Variants in WWOX observed in about 807,000 individuals in gnomAD.
WWOX encodes the protein WW domain containing oxidoreductase.
Under a neutral mutation model 46.2 loss-of-function variants are expected in WWOX, and 69 were observed. That is an observed-to-expected ratio of 1.49 (90% CI 1.23 to 1.82). WWOX has a LOEUF of 1.82. Among genes scored for constraint, WWOX ranks in the 40% most tolerant of loss-of-function variants. The pLI is 0.00. For missense variants in WWOX, 919 were observed against 542.6 expected (o/e 1.69, Z -6.89); for synonymous variants, 359 against 202.6 (o/e 1.77, Z -6.56).
At chr16:78,983,703 G>A (rs1467111515) in intron 8 of WWOX, among the ~76,000 whole-genome samples, 1 of 152,046 alleles carries the variant, frequency 6.6e-6, no homozygotes, top group Non-Finnish European at 1.5e-5. Context: ...TGACTGCGTG[G>A]AGCACATCTC....
intron 8 of WWOX, among the ~76,000 whole-genome samples, chr16:78,572,883 A>G (rs545239804): frequency 8.5e-5 from 13 of 152,284 alleles, no homozygotes; most frequent in African/African-American, 2.9e-4. Context: ...ACAGGTACCT[A>G]GGTAGTCATT....
intron 8 of WWOX, among the ~76,000 whole-genome samples, chr16:78,786,403 A>G (rs1031547838): frequency 1.3e-5 from 2 of 152,216 alleles, no homozygotes; most frequent in Non-Finnish European, 2.9e-5. Flanking sequence ...CACCACACAC[A>G]GGATACAGTC....
rs190764047 is a variant in WWOX, at chr16:78,415,470, G to A, written c.606-9400G>A. Among the ~76,000 whole-genome samples the A allele has an allele frequency of 9.9e-5, 15 of 152,190 alleles. No individual in the cohort carries two copies. The East Asian group carries it at 1.5e-3, about 16-fold the overall frequency. The stretch of plus-strand genomic sequence containing the variant: ...CCTGTAACTTAGAATGCCTGACCTC[G>A]TGGGAATGCAGCCCAGTAGGTCTCA... On this transcript the variant is annotated intron_variant, in intron 6 of 8. Coordinates refer to ENST00000566780, the MANE Select transcript of WWOX (RefSeq NM_016373.4).
At chr16:78,336,078 C>T (rs13337700) in intron 5 of WWOX, among the ~76,000 whole-genome samples, 10,908 of 150,900 alleles carry the variant, frequency 0.072, 1,146 homozygotes, top group African/African-American at 0.23. Context: ...GGTGACAGAG[C>T]CAGAGTCTGT....
chr16:78,536,818 T>C (rs2246452), intron 8 of WWOX, among the ~76,000 whole-genome samples: 85,888 of 151,762 alleles, frequency 0.57, 27,141 homozygotes, highest in Admixed American at 0.7. Flanking sequence ...TCCATGTCTG[T>C]GTAGCTTCAT....
chr16:78,773,020 C>G (rs1031582903), intron 8 of WWOX, among the ~76,000 whole-genome samples: 2 of 152,074 alleles, frequency 1.3e-5, no homozygotes, highest in Non-Finnish European at 2.9e-5. Context: ...GTCTGTTTTG[C>G]AGACCTTGTC....
chr16:79,116,520 CT>C (rs2049518915), intron 8 of WWOX, among the ~76,000 whole-genome samples: 1 of 152,188 alleles, frequency 6.6e-6, no homozygotes, highest in Non-Finnish European at 1.5e-5. Flanking sequence ...AAATCACTTT[CT>C]TTGCTCATCT....
chr16:78,860,745 G>T (rs774360332), intron 8 of WWOX, among the ~76,000 whole-genome samples: 5 of 152,216 alleles, frequency 3.3e-5, no homozygotes, highest in Admixed American at 1.3e-4. Flanking sequence ...ATGTGTGGAT[G>T]TTCTTGAGTA....
intron 8 of WWOX, among the ~76,000 whole-genome samples, chr16:79,166,730 C>T (rs921415834): frequency 1.3e-5 from 2 of 152,168 alleles, no homozygotes; most frequent in African/African-American, 2.4e-5. Context: ...CTTCCAGCAC[C>T]TGCTCAGATT....
chr16:78,102,986 C>G (rs2031896645), intron 1 of WWOX, among the ~76,000 whole-genome samples: 1 of 152,162 alleles, frequency 6.6e-6, no homozygotes, highest in Non-Finnish European at 1.5e-5. Context: ...GCGTCTCCTC[C>G]TTTGCCACTC....
chr16:78,403,294 A>G (rs2082455655), intron 6 of WWOX, among the ~76,000 whole-genome samples: 1 of 152,204 alleles, frequency 6.6e-6, no homozygotes, highest in Admixed American at 6.5e-5. Context: ...TATAAAGTGT[A>G]TTTAAATAAA....
At chr16:78,992,817 C>G (rs1480695164) in intron 8 of WWOX, among the ~76,000 whole-genome samples, 2 of 152,148 alleles carry the variant, frequency 1.3e-5, no homozygotes, top group Non-Finnish European at 2.9e-5. Context: ...TCAAAAGTCA[C>G]TGAATGCTAA....
At chr16:79,049,496 C>G (rs1461824152) in intron 8 of WWOX, among the ~76,000 whole-genome samples, 4 of 152,116 alleles carry the variant, frequency 2.6e-5, no homozygotes, top group African/African-American at 9.7e-5. Context: ...AGAGAATGAT[C>G]AGGAAGGCCA....
intron 8 of WWOX, among the ~76,000 whole-genome samples, chr16:78,687,064 C>A (rs1427126562): frequency 6.7e-6 from 1 of 149,842 alleles, no homozygotes; most frequent in Non-Finnish European, 1.5e-5. Flanking sequence ...AGTTTATTTT[C>A]ATCTTTATTT....
chr16:78,788,444 A>G (rs1317504704), intron 8 of WWOX, among the ~76,000 whole-genome samples: 1 of 152,162 alleles, frequency 6.6e-6, no homozygotes, highest in Non-Finnish European at 1.5e-5. Flanking sequence ...CTCCCCAGAG[A>G]GTCAGTCCTG....
chr16:78,561,687 T>G (rs905615144), intron 8 of WWOX, among the ~76,000 whole-genome samples: 3 of 151,970 alleles, frequency 2.0e-5, no homozygotes, highest in African/African-American at 7.3e-5. Flanking sequence ...GAAGAAGATA[T>G]AAACTGCAAA....
intron 8 of WWOX, among the ~76,000 whole-genome samples, chr16:78,696,160 C>G (rs2048094690): frequency 6.6e-6 from 1 of 152,184 alleles, no homozygotes; most frequent in Non-Finnish European, 1.5e-5. Context: ...GTGTCCCTGC[C>G]TACCTAGGGG....
chr16:78,947,135 A>G (rs2045964862), intron 8 of WWOX, among the ~76,000 whole-genome samples: 1 of 151,976 alleles, frequency 6.6e-6, no homozygotes, highest in Non-Finnish European at 1.5e-5. Flanking sequence ...AGGAATGCAC[A>G]TTAGTCTTCC....
In WWOX at chr16:78,707,718, A is replaced by C. The variant is rs548677108; in HGVS notation, c.1056+274966A>C. On this transcript the variant is annotated intron_variant, in intron 8 of 8. Transcript: ENST00000566780. ...GCCAACATGGTGAAACCCCATCTCT[A>C]CTAAAAATACAAAAATTAGCCTGGT... is the stretch of plus-strand genomic sequence containing the variant. Among the ~76,000 whole-genome samples, 4 of 152,116 alleles carry C rather than the reference A, an allele frequency of 2.6e-5. No individual in the cohort carries two copies. The East Asian group carries it at 7.7e-4, about 29-fold the overall frequency.
Sources: allele counts gnomAD v4.1 joint callset (sites outside exome capture counted in the v4.1 genomes callset), GRCh38; gene constraint gnomAD v4.1.1; transcripts MANE v1.5; gene names NCBI Gene and HGNC (gene_info 2026-07-23, HGNC 2026-07-21).